The following RGL1 variants were observed in gnomAD, a reference collection of about 807,000 sequenced individuals.
RGL1 encodes ral guanine nucleotide dissociation stimulator-like 1.
Under a neutral mutation model 95.2 loss-of-function variants are expected in RGL1, and 24 were observed. The ratio of observed to expected loss-of-function variants is 0.25; its 90% CI spans 0.18 to 0.35. The LOEUF (loss-of-function observed/expected upper bound fraction) is 0.35. Among genes scored for constraint, RGL1 ranks in the 10% least tolerant of loss-of-function variants. The probability of loss-of-function intolerance (pLI) is 1.00; values close to 1 mark genes in which losing one functional copy is unlikely to be tolerated. For synonymous variants in RGL1, 329 were observed against 344.9 expected (o/e 0.95, Z 0.51); for missense variants, 715 against 936.3 (o/e 0.76, Z 3.08).
At chr1:183,871,643 A>G (rs1666190573) in intron 4 of RGL1, among the ~76,000 whole-genome samples, 1 of 152,236 alleles carries the variant, frequency 6.6e-6, no homozygotes, top group Admixed American at 6.5e-5. Context: ...ATTTCCAAAT[A>G]TGGATTTAAA....
At chr1:183,792,215 A>T (rs1327433914) in intron 2 of RGL1, among the ~76,000 whole-genome samples, 3 of 151,866 alleles carry the variant, frequency 2.0e-5, no homozygotes, top group African/African-American at 7.2e-5. Context: ...TACTTGCAAC[A>T]TGCTGCCTAT....
chr1:183,790,994 G>C (rs565485371), intron 2 of RGL1, among the ~76,000 whole-genome samples: 1 of 152,086 alleles, frequency 6.6e-6, no homozygotes, highest in Non-Finnish European at 1.5e-5. Flanking sequence ...GAAGAATCAG[G>C]GTAGGGGTGA....
At chr1:183,778,411 GT>G (rs1307068204) in intron 2 of RGL1, among the ~76,000 whole-genome samples, 3 of 152,158 alleles carry the variant, frequency 2.0e-5, no homozygotes, top group African/African-American at 7.2e-5. Flanking sequence ...AAGAGTAGGG[GT>G]TTTCCTAGTG....
intron 16 of RGL1, among the ~76,000 whole-genome samples, chr1:183,919,710 T>C (rs1003516312): frequency 3.3e-5 from 5 of 152,168 alleles, no homozygotes; most frequent in African/African-American, 1.2e-4. Flanking sequence ...TTCGAAATGA[T>C]CTTTCTCTCC....
At chr1:183,909,956 C>T (rs1400986481) in intron 14 of RGL1, among the ~76,000 whole-genome samples, 2 of 152,178 alleles carry the variant, frequency 1.3e-5, no homozygotes, top group African/African-American at 2.4e-5. Flanking sequence ...CTGACTGTTA[C>T]TTTCACTCAG....
intron 2 of RGL1, among the ~76,000 whole-genome samples, chr1:183,787,186 G>A (rs1294620257): frequency 6.6e-6 from 1 of 152,150 alleles, no homozygotes; most frequent in Non-Finnish European, 1.5e-5. Flanking sequence ...CCCGGTCTGT[G>A]ATGGCCTCAC....
chr1:183,719,447 C>G (rs1370536613), intron 1 of RGL1, among the ~76,000 whole-genome samples: 1 of 151,798 alleles, frequency 6.6e-6, no homozygotes, highest in Non-Finnish European at 1.5e-5. Context: ...TTGGTTTCTC[C>G]CTGAGGACAA....
At chr1:183,801,890 A>G (rs1019370080), upstream of RGL1, among the ~76,000 whole-genome samples, 2 of 152,158 alleles carry the variant, frequency 1.3e-5, no homozygotes, top group African/African-American at 2.4e-5. Context: ...AACTCACACA[A>G]TACCTTGAGG....
chr1:183,904,755 T>C (rs759965563), intron 12 of RGL1, 95 bp from the exon 13 acceptor site: 2 of 1,295,716 alleles, frequency 1.5e-6, no homozygotes, highest in Non-Finnish European at 2.1e-6. Flanking sequence ...TCTTTTATCC[T>C]AATGTGGTAT....
rs182177430 is a variant in RGL1 at position 183,745,618 on chromosome 1, A to G, written c.132+3329A>G. ...TTTCATGTATCATGTTTCTATAGAT[A>G]TCCTGTCTGTGGATATGATACTCAT... On this transcript the variant is annotated intron_variant, in intron 2 of 18. Transcript: ENST00000304685. 2.8e-4 allele frequency among the ~76,000 whole-genome samples: 43 copies of G among 152,192 alleles called. 1 individual carries two copies. The highest frequency in any genetic ancestry group is 8.2e-4 in the African/African-American group (34 of 41,530).
Position 183,907,078 on chromosome 1 carries a change from G to A in RGL1, c.1539G>A (p.Lys513=). 6.2e-7 allele frequency: 1 copy of A among 1,610,828 alleles called. No homozygotes were observed. The highest frequency in any genetic ancestry group is 1.1e-5 in the South Asian group (1 of 90,640). The part of the protein sequence containing the change: ...DASTTSPKPR[K]SMVKRLSLLF... ...GCACCACCTCGCCCAAGCCTCGGAA[G>A]AGCATGGTGAAGAGACTCAGCCTGT... Residue 513 remains lysine, a synonymous_variant, in exon 14 of 18, where the codon AAG becomes AAA. Coordinates refer to ENST00000360851, the MANE Select transcript of RGL1 (RefSeq NM_001297671.3).
intron 1 of RGL1, among the ~76,000 whole-genome samples, chr1:183,722,605 A>C (rs991382092): frequency 2.6e-5 from 4 of 152,216 alleles, no homozygotes; most frequent in Non-Finnish European, 5.9e-5. Flanking sequence ...CATTCCATAC[A>C]GGGAACAACA....
intron 2 of RGL1, among the ~76,000 whole-genome samples, chr1:183,782,155 G>A (rs960431586): frequency 1.6e-4 from 25 of 152,252 alleles, no homozygotes; most frequent in Non-Finnish European, 5.9e-5. Flanking sequence ...ATTGTCCACC[G>A]ATGGCACTCT....
At chr1:183,710,210 GCA>G (rs1655176959) in intron 1 of RGL1, 1 of 211,212 alleles carries the variant, frequency 4.7e-6, no homozygotes, top group Non-Finnish European at 9.9e-6. Context: ...GCTCTTCGAT[GCA>G]CACTCTTACC....
At chr1:183,736,867 A>G (rs948672757) in intron 1 of RGL1, among the ~76,000 whole-genome samples, 1 of 152,222 alleles carries the variant, frequency 6.6e-6, no homozygotes, top group South Asian at 2.1e-4. Flanking sequence ...GAAGAAAAGC[A>G]TGACCCTAAT....
chr1:183,920,857 G>T (rs1669273643), intron 16 of RGL1, among the ~76,000 whole-genome samples: 1 of 152,148 alleles, frequency 6.6e-6, no homozygotes, highest in Non-Finnish European at 1.5e-5. Context: ...ATTGTTTATG[G>T]AATCACAAAC....
chr1:183,825,583 A>T (rs911774493), intron 2 of RGL1, among the ~76,000 whole-genome samples: 3 of 152,230 alleles, frequency 2.0e-5, no homozygotes, highest in Non-Finnish European at 4.4e-5. Context: ...AACATTAATG[A>T]AAAGCTTCTC....
At chr1:183,664,706 G>C (rs1050164180) in intron 1 of RGL1, among the ~76,000 whole-genome samples, 3 of 152,034 alleles carry the variant, frequency 2.0e-5, no homozygotes, top group Non-Finnish European at 4.4e-5. Context: ...CAGTGATAAA[G>C]CTAAGGACAA....
intron 1 of RGL1, among the ~76,000 whole-genome samples, chr1:183,661,178 G>T (rs1354063257): frequency 6.6e-6 from 1 of 152,172 alleles, no homozygotes; most frequent in Non-Finnish European, 1.5e-5. Context: ...ACATTCAAAA[G>T]CTAGCAGAAG....
Sources: allele counts gnomAD v4.1 joint callset (sites outside exome capture counted in the v4.1 genomes callset), GRCh38; gene constraint gnomAD v4.1.1; transcripts MANE v1.5; gene names NCBI Gene and HGNC (gene_info 2026-07-23, HGNC 2026-07-21).